PTPRD: variants seen among roughly 807,000 people sequenced by gnomAD.
The protein encoded by PTPRD is receptor-type tyrosine-protein phosphatase delta.
Under a neutral mutation model 214.5 loss-of-function variants are expected in PTPRD, and 34 were observed. The observed-to-expected ratio is 0.16, with a 90% CI of 0.12 to 0.21. The LOEUF is 0.21. Among genes scored for constraint, PTPRD ranks in the 10% least tolerant of loss-of-function variants. The pLI is 1.00. For synonymous variants in PTPRD, 1,128 were observed against 845.7 expected, an observed-to-expected ratio of 1.33 and a Z score of -5.79; for missense variants, 2,545 against 2,398.7, an observed-to-expected ratio of 1.06 and a Z score of -1.27.
intron 9 of PTPRD, among the ~76,000 whole-genome samples, chr9:9,360,984 T>C (rs1405088182): frequency 6.6e-6 from 1 of 151,142 alleles, no homozygotes; most frequent in Non-Finnish European, 1.5e-5. Flanking sequence ...CAGTGCCAAA[T>C]AGAGATGACT....
intron 9 of PTPRD, among the ~76,000 whole-genome samples, chr9:9,220,079 G>A (rs557129785): frequency 6.6e-6 from 1 of 152,128 alleles, no homozygotes; most frequent in East Asian, 1.9e-4. Context: ...TTTACTTAGA[G>A]AAAAATGGGA....
At chr9:9,867,285 G>C (rs1007449237) in intron 5 of PTPRD, among the ~76,000 whole-genome samples, 1 of 152,068 alleles carries the variant, frequency 6.6e-6, no homozygotes, top group Non-Finnish European at 1.5e-5. Context: ...TTAAATGGGA[G>C]TTCTTAGGCA....
chr9:9,374,866 G>T (rs899027645), intron 9 of PTPRD, among the ~76,000 whole-genome samples: 1 of 152,084 alleles, frequency 6.6e-6, no homozygotes, highest in Non-Finnish European at 1.5e-5. Flanking sequence ...AATCATGAAA[G>T]AAATTATTGT....
chr9:10,449,568 G>A (rs953739640), intron 2 of PTPRD, among the ~76,000 whole-genome samples: 21 of 151,246 alleles, frequency 1.4e-4, no homozygotes, highest in Admixed American at 3.9e-4. Context: ...GTCTCTGCCC[G>A]GCCGCCATCC....
chr9:8,440,019 T>C (rs572051607), intron 34 of PTPRD, among the ~76,000 whole-genome samples: 1 of 145,910 alleles, frequency 6.9e-6, no homozygotes, highest in South Asian at 2.2e-4. Flanking sequence ...GGGAGCTATA[T>C]ATTGATATTT....
intron 2 of PTPRD, among the ~76,000 whole-genome samples, chr9:10,584,792 T>C (rs2073359793): frequency 6.6e-6 from 1 of 152,164 alleles, no homozygotes; most frequent in African/African-American, 2.4e-5. Context: ...AATGAATAAA[T>C]ATATGAATAA....
intron 2 of PTPRD, among the ~76,000 whole-genome samples, chr9:10,590,463 C>T (rs1490201367): frequency 1.3e-5 from 2 of 151,930 alleles, no homozygotes; most frequent in African/African-American, 4.8e-5. Flanking sequence ...CCTTTATAGT[C>T]AATCTTCCAC....
At chr9:9,188,314 T>G (rs1253918645) in intron 9 of PTPRD, among the ~76,000 whole-genome samples, 7 of 152,104 alleles carry the variant, frequency 4.6e-5, no homozygotes, top group African/African-American at 7.2e-5. Context: ...TTAAAGCAAT[T>G]ACAATTAATG....
At chr9:9,408,006 T>C (rs549306668) in intron 8 of PTPRD, among the ~76,000 whole-genome samples, 13 of 151,926 alleles carry the variant, frequency 8.6e-5, no homozygotes, top group African/African-American at 3.1e-4. Flanking sequence ...GCAATCTGCC[T>C]GTGGGGTAAG....
chr9:9,706,626 G>C (rs1386010666), intron 7 of PTPRD, among the ~76,000 whole-genome samples: 1 of 151,954 alleles, frequency 6.6e-6, no homozygotes, highest in Non-Finnish European at 1.5e-5. Context: ...TTTTAGTAGA[G>C]ACAGGGTTTC....
At chr9:9,672,823 T>C (rs1280727237) in intron 7 of PTPRD, among the ~76,000 whole-genome samples, 1 of 152,068 alleles carries the variant, frequency 6.6e-6, no homozygotes, top group Non-Finnish European at 1.5e-5. Context: ...TGCATATTTC[T>C]AATGCCTGAA....
intron 11 of PTPRD, among the ~76,000 whole-genome samples, chr9:8,734,576 T>A (rs1454957970): frequency 6.6e-6 from 1 of 152,224 alleles, no homozygotes; most frequent in East Asian, 1.9e-4. Context: ...TTAACAGGAT[T>A]TTTATATGCC....
At chr9:9,426,124 G>C (rs1214122812) in intron 8 of PTPRD, among the ~76,000 whole-genome samples, 2 of 152,192 alleles carry the variant, frequency 1.3e-5, no homozygotes, top group Non-Finnish European at 2.9e-5. Flanking sequence ...CCTCACCCGG[G>C]AAGCACAAGG....
chr9:8,816,509 G>A (rs907521089), intron 11 of PTPRD, among the ~76,000 whole-genome samples: 3 of 152,160 alleles, frequency 2.0e-5, no homozygotes, highest in Non-Finnish European at 4.4e-5. Flanking sequence ...ACAGCGTTTA[G>A]GAAAGGTTCC....
chr9:8,637,540 A>G (rs540019029), intron 12 of PTPRD, among the ~76,000 whole-genome samples: 75 of 152,364 alleles, frequency 4.9e-4, no homozygotes, highest in Middle Eastern at 6.8e-3. Flanking sequence ...CTAGCAAGAT[A>G]GACATTGGAA....
rs185663678 is a variant in PTPRD, at chr9:9,820,504, A to C, written c.-367-53653T>G. Among the ~76,000 whole-genome samples the C allele has an allele frequency of 1.4e-3, 218 of 152,094 alleles. 1 individual carries two copies. Among genetic ancestry groups the C allele is most frequent in the African/African-American group, 5.2e-3 (216 of 41,510 alleles). On this transcript the variant is annotated intron_variant, in intron 5 of 45. Transcript: ENST00000381196. ...TTAGTTTAATTAGGTTCCACTTGTC[A>C]ATTTTTGTTGTTGTTGCAATTGCTT... is the stretch of plus-strand genomic sequence containing the variant.
intron 10 of PTPRD, among the ~76,000 whole-genome samples, chr9:9,139,174 C>A (rs2154479782): frequency 6.7e-6 from 1 of 148,614 alleles, no homozygotes; most frequent in South Asian, 2.3e-4. Context: ...GCAGACAATT[C>A]TGAACCCTAT....
chr9:8,431,918 T>G (rs2095081891), intron 35 of PTPRD, among the ~76,000 whole-genome samples: 1 of 152,250 alleles, frequency 6.6e-6, no homozygotes, highest in Non-Finnish European at 1.5e-5. Flanking sequence ...AGCTTCTCTT[T>G]GCACCTCTGG....
chr9:10,041,362 C>T (rs535315382), intron 3 of PTPRD, among the ~76,000 whole-genome samples: 1 of 151,714 alleles, frequency 6.6e-6, no homozygotes, highest in Non-Finnish European at 1.5e-5. Flanking sequence ...GAACTGATTT[C>T]TAGGAAAATA....
Sources: allele counts gnomAD v4.1 joint callset (sites outside exome capture counted in the v4.1 genomes callset), GRCh38; gene constraint gnomAD v4.1.1; transcripts MANE v1.5; gene names NCBI Gene and HGNC (gene_info 2026-07-23, HGNC 2026-07-21).